NTNG1: variants seen among roughly 807,000 people sequenced by gnomAD.
NTNG1 encodes the protein netrin-G1.
In NTNG1, 16 loss-of-function variants were observed where a neutral mutation model predicts 54.0. The observed-to-expected ratio is 0.30, with a 90% CI of 0.20 to 0.45. NTNG1 has a LOEUF of 0.45. NTNG1 is among the 20% of genes least tolerant of loss of function. The pLI, the probability that NTNG1 is intolerant of heterozygous loss-of-function variation, is 1.00. For missense variants in NTNG1, 530 were observed against 678.7 expected (o/e 0.78, Z 2.43); for synonymous variants, 255 against 263.1 (o/e 0.97, Z 0.30).
intron 1 of NTNG1, 90 bp from the exon 2 acceptor site, chr1:107,147,979 T>A (rs924217636): frequency 2.0e-5 from 3 of 152,468 alleles, no homozygotes; most frequent in African/African-American, 2.4e-5. Flanking sequence ...TGCTTTATAT[T>A]GCATCAGACC....
intron 2 of NTNG1, among the ~76,000 whole-genome samples, chr1:107,291,693 T>C (rs1196029483): frequency 6.6e-6 from 1 of 152,188 alleles, no homozygotes; most frequent in African/African-American, 2.4e-5. Context: ...AAAGATTAAA[T>C]GATGCATTAT....
intron 2 of NTNG1, among the ~76,000 whole-genome samples, chr1:107,169,884 T>C (rs969431355): frequency 2.0e-5 from 3 of 152,200 alleles, no homozygotes; most frequent in Non-Finnish European, 4.4e-5. Context: ...GAAAAATCTT[T>C]ATGGCAGGCT....
At chr1:107,474,066 C>T (rs1678153872) in intron 7 of NTNG1, among the ~76,000 whole-genome samples, 1 of 152,120 alleles carries the variant, frequency 6.6e-6, no homozygotes, top group Non-Finnish European at 1.5e-5. Context: ...ATTACCAAAG[C>T]AGTATTAGTT....
intron 3 of NTNG1, among the ~76,000 whole-genome samples, chr1:107,352,774 G>A (rs1256637871): frequency 6.6e-6 from 1 of 152,238 alleles, no homozygotes; most frequent in African/African-American, 2.4e-5. Flanking sequence ...TAATATGCCT[G>A]TTCCTGCTCT....
intron 2 of NTNG1, among the ~76,000 whole-genome samples, chr1:107,304,810 C>T (rs955940804): frequency 6.6e-6 from 1 of 151,638 alleles, no homozygotes; most frequent in Admixed American, 6.6e-5. Flanking sequence ...TAGGTATACA[C>T]ATGCCATGGT....
intron 2 of NTNG1, among the ~76,000 whole-genome samples, chr1:107,170,775 A>T (rs1327311021): frequency 1.3e-5 from 2 of 152,170 alleles, no homozygotes; most frequent in Non-Finnish European, 2.9e-5. Context: ...TTCCAAAAAC[A>T]CATTATAATT....
At chr1:107,468,956 A>T (rs1677784768) in intron 7 of NTNG1, among the ~76,000 whole-genome samples, 1 of 151,856 alleles carries the variant, frequency 6.6e-6, no homozygotes, top group Admixed American at 6.6e-5. Flanking sequence ...ATTAGCTAGG[A>T]GTGGTGGCGC....
intron 5 of NTNG1, among the ~76,000 whole-genome samples, chr1:107,427,856 T>G (rs1053142584): frequency 6.6e-6 from 1 of 152,146 alleles, no homozygotes; most frequent in African/African-American, 2.4e-5. Flanking sequence ...ATAAATTAGT[T>G]TTTAAACAAG....
chr1:107,305,094 C>G (rs1666597110), intron 2 of NTNG1, among the ~76,000 whole-genome samples: 2 of 152,126 alleles, frequency 1.3e-5, no homozygotes, highest in African/African-American at 4.8e-5. Flanking sequence ...GCATAGTATT[C>G]CATGGTGTGT....
intron 2 of NTNG1, among the ~76,000 whole-genome samples, chr1:107,215,905 G>A (rs1410338017): frequency 1.3e-5 from 2 of 151,824 alleles, no homozygotes; most frequent in African/African-American, 4.8e-5. Context: ...TTGTCTTGCA[G>A]CTATTGTAAA....
At position 107,197,106 on chromosome 1, in the gene NTNG1, ATTT is replaced by A. The variant is rs538102264; in HGVS notation, c.246+48269_246+48271del. Reference sequence around the variant, plus strand: ...AAACTATTTATTGTTTATGTGAAACATTTTAACTGAGCATGCAGTACTTTTAGT... The same window carrying A: ...AAACTATTTATTGTTTATGTGAAACATAACTGAGCATGCAGTACTTTTAGT... On this transcript the variant is annotated intron_variant, in intron 2 of 7. Transcript: ENST00000370068. 2.3e-3 allele frequency among the ~76,000 whole-genome samples: 354 copies of A among 152,168 alleles called. 2 individuals are homozygous for A. The highest frequency in any genetic ancestry group is 1.4e-3 in the Non-Finnish European group (96 of 67,946).
chr1:107,453,677 G>A (rs1044545590), intron 7 of NTNG1, among the ~76,000 whole-genome samples: 1 of 152,132 alleles, frequency 6.6e-6, no homozygotes, highest in East Asian at 1.9e-4. Flanking sequence ...TGCCATGTAG[G>A]GAAGTGGGCT....
chr1:107,245,564 T>C (rs558278681), intron 2 of NTNG1, among the ~76,000 whole-genome samples: 102 of 152,382 alleles, frequency 6.7e-4, no homozygotes, highest in Middle Eastern at 6.8e-3. Flanking sequence ...TTCATATTTA[T>C]TGTCTTGCTT....
chr1:107,238,800 T>TC (rs1312095993), intron 2 of NTNG1, among the ~76,000 whole-genome samples: 3 of 151,906 alleles, frequency 2.0e-5, no homozygotes, highest in Non-Finnish European at 4.4e-5. Flanking sequence ...AACACTTTTT[T>TC]TTTTTTGTAA....
At chr1:107,380,381 T>C (rs781580302) in intron 3 of NTNG1, among the ~76,000 whole-genome samples, 17 of 152,292 alleles carry the variant, frequency 1.1e-4, no homozygotes, top group Admixed American at 6.5e-4. Flanking sequence ...AAGAGCTAAG[T>C]CATTATGTTA....
intron 2 of NTNG1, among the ~76,000 whole-genome samples, chr1:107,292,562 C>G (rs1665681693): frequency 6.6e-6 from 1 of 152,132 alleles, no homozygotes; most frequent in South Asian, 2.1e-4. Flanking sequence ...GCATCTGAAG[C>G]TGGTGATCAA....
At chr1:107,290,982 T>TACAC (rs1409646963) in intron 2 of NTNG1, among the ~76,000 whole-genome samples, 8 of 144,276 alleles carry the variant, frequency 5.5e-5, no homozygotes, top group African/African-American at 1.8e-4. Context: ...TATATATATA[T>TACAC]ATACACACAC....
At chr1:107,460,716 A>G (rs1558016463) in intron 7 of NTNG1, among the ~76,000 whole-genome samples, 1 of 152,172 alleles carries the variant, frequency 6.6e-6, no homozygotes, top group Non-Finnish European at 1.5e-5. Context: ...GAAACTGTCC[A>G]TCCATCATGA....
intron 3 of NTNG1, among the ~76,000 whole-genome samples, chr1:107,369,932 A>G (rs918770054): frequency 6.6e-6 from 1 of 152,178 alleles, no homozygotes; most frequent in Non-Finnish European, 1.5e-5. Flanking sequence ...TGAATAGTTC[A>G]GTTATTATAT....
Sources: gnomAD v4.1 joint callset for allele counts (sites outside exome capture counted in the v4.1 genomes callset) on GRCh38, gnomAD v4.1.1 for gene constraint, MANE v1.5 for transcripts, NCBI Gene and HGNC (gene_info 2026-07-23, HGNC 2026-07-21) for gene names.